Variants in METTL25 observed in about 807,000 individuals in gnomAD.
The protein encoded by METTL25 is methyltransferase like 25.
A neutral mutation model predicts 71.6 loss-of-function variants in METTL25; 64 were observed. The ratio of observed to expected loss-of-function variants is 0.89; its 90% CI spans 0.73 to 1.10. The LOEUF (loss-of-function observed/expected upper bound fraction) is 1.10, where lower values mean the gene tolerates loss of function less well. Among genes scored for constraint, METTL25 ranks in the 50% least tolerant of loss-of-function variants. The pLI, the probability that METTL25 is intolerant of heterozygous loss-of-function variation, is 0.00. For missense variants in METTL25, 807 were observed against 707.0 expected, an observed-to-expected ratio of 1.14 and a Z score of -1.60; for synonymous variants, 287 against 250.3, an observed-to-expected ratio of 1.15 and a Z score of -1.38.
intron 7 of METTL25, among the ~76,000 whole-genome samples, chr12:82,436,030 T>C (rs1889890949): frequency 6.6e-6 from 1 of 151,418 alleles, no homozygotes; most frequent in Non-Finnish European, 1.5e-5. Context: ...TTAACTACTA[T>C]ACTGCATATC....
At chr12:82,424,021 C>T (rs561811188) in intron 5 of METTL25, among the ~76,000 whole-genome samples, 2 of 152,258 alleles carry the variant, frequency 1.3e-5, no homozygotes, top group South Asian at 2.1e-4. Flanking sequence ...TTTGACCCAG[C>T]CATCCCATTA....
chr12:82,362,025 C>T (rs1174063799), intron 1 of METTL25, among the ~76,000 whole-genome samples: 3 of 152,160 alleles, frequency 2.0e-5, no homozygotes, highest in Non-Finnish European at 2.9e-5. Context: ...ATTCCCAGAG[C>T]GCAATGCACA....
intron 1 of METTL25, among the ~76,000 whole-genome samples, chr12:82,359,677 T>C (rs1881551936): frequency 1.3e-5 from 2 of 151,298 alleles, no homozygotes; most frequent in African/African-American, 4.8e-5. Flanking sequence ...ACCTAATATG[T>C]GTCTTGAATT....
chr12:82,463,342 TCTAATCCTGG>T (rs1892020390), intron 9 of METTL25, among the ~76,000 whole-genome samples: 1 of 152,074 alleles, frequency 6.6e-6, no homozygotes, highest in Admixed American at 6.5e-5. Context: ...TTTTTAACGT[TCTAATCCTGG>T]CTTATTTCAC....
At chr12:82,424,873 C>T (rs529230580) in intron 5 of METTL25, among the ~76,000 whole-genome samples, 2 of 151,934 alleles carry the variant, frequency 1.3e-5, no homozygotes, top group Non-Finnish European at 2.9e-5. Context: ...TCACCAGAAA[C>T]TGGTAATGGA....
At chr12:82,423,250 T>C (rs1185646669) in intron 5 of METTL25, among the ~76,000 whole-genome samples, 1 of 152,142 alleles carries the variant, frequency 6.6e-6, no homozygotes, top group East Asian at 1.9e-4. Context: ...CATCTACAAC[T>C]ATCTGATCTT....
chr12:82,358,734 A>T lies in METTL25; in HGVS notation c.169A>T (p.Thr57Ser). 1 of 1,614,112 alleles carries T rather than the reference A, an allele frequency of 6.2e-7. No individual in the cohort carries two copies. Among genetic ancestry groups the T allele is most frequent in the Non-Finnish European group, 8.5e-7 (1 of 1,180,038 alleles). Reference protein sequence around the residue: ...WEELVDLPPETVLAALRKSAS... With the variant: ...WEELVDLPPESVLAALRKSAS... ...GGAGCTGGTCGACTTGCCACCGGAG[A>T]CAGTGCTGGCTGCGCTGAGGAAGTC... The change falls in exon 1 of 12, where the codon ACA (threonine) becomes TCA (serine). Residue 57 changes from threonine (T) to serine (S), a missense_variant. Transcript: ENST00000248306.
rs991147414 is a variant in METTL25 at position 82,406,420 on chromosome 12, A to C, written c.1279+3290A>C. On this transcript the variant is annotated intron_variant, in intron 5 of 11. Coordinates refer to ENST00000248306, the MANE Select transcript of METTL25 (RefSeq NM_032230.3). Reference sequence around the variant, plus strand: ...TTCTATATTCTTATATGTTTTAGGCAAACAAATGTATAAACTGTTCATCAC... The same window carrying C: ...TTCTATATTCTTATATGTTTTAGGCCAACAAATGTATAAACTGTTCATCAC... 2.0e-5 allele frequency among the ~76,000 whole-genome samples: 3 copies of C among 152,176 alleles called. No individual in the cohort carries two copies. In the East Asian group the frequency reaches 5.8e-4, roughly 29 times the overall value.
Position 82,389,884 on chromosome 12 carries a change from C to A in METTL25, c.493C>A (p.Leu165Met), listed in dbSNP as rs369465475. ...KSHEVQAMSE[L>M]ISSIADYYGI... ...TCATGAAGTTCAGGCAATGTCAGAG[C>A]TGATCAGCAGTATTGCTGACTACTA... Residue 165 changes from leucine (L) to methionine (M), a missense_variant, in exon 3 of 12, where the codon CTG (leucine) becomes ATG (methionine). Leu to Met is a conservative substitution (Grantham distance 15, BLOSUM62 2). Coordinates refer to ENST00000248306, the MANE Select transcript of METTL25 (RefSeq NM_032230.3). The A allele has an allele frequency of 2.5e-6, 4 of 1,598,092 alleles. No homozygotes were observed. Among genetic ancestry groups the A allele is most frequent in the Middle Eastern group, 1.7e-4 (1 of 5,994 alleles).
At position 82,399,144 on chromosome 12, in the gene METTL25, A is replaced by C; in HGVS notation, c.881A>C (p.Glu294Ala). 1 of 1,613,804 alleles carries C rather than the reference A, an allele frequency of 6.2e-7. No individual in the cohort carries two copies. Among genetic ancestry groups the C allele is most frequent in the Non-Finnish European group, 8.5e-7 (1 of 1,179,850 alleles). ...ATTTCTAATATCAGAAACCAAATGGAAACCCTTCATTCTCAGCCACATCAA... is the reference window on the plus strand; with the variant it reads ...ATTTCTAATATCAGAAACCAAATGGCAACCCTTCATTCTCAGCCACATCAA... ...SVISNIRNQM[E>A]TLHSQPHQEE... Residue 294 changes from glutamate (E) to alanine (A), a missense_variant, in exon 4 of 12, where the codon GAA becomes GCA. Glu to Ala is a moderately radical substitution (Grantham distance 107). Transcript: ENST00000248306.
intron 3 of METTL25, among the ~76,000 whole-genome samples, chr12:82,391,620 A>G (rs933552964): frequency 1.3e-5 from 2 of 151,838 alleles, no homozygotes; most frequent in African/African-American, 2.4e-5. Flanking sequence ...TTCTTTATCC[A>G]TAAATTCATT....
At chr12:82,405,889 CAAGT>C (rs905826752) in intron 5 of METTL25, among the ~76,000 whole-genome samples, 1 of 152,106 alleles carries the variant, frequency 6.6e-6, no homozygotes, top group Non-Finnish European at 1.5e-5. Context: ...GTGTCAAAAA[CAAGT>C]AACTAGGAAT....
At chr12:82,361,219 T>C (rs1165308071) in intron 1 of METTL25, among the ~76,000 whole-genome samples, 1 of 152,184 alleles carries the variant, frequency 6.6e-6, no homozygotes, top group Non-Finnish European at 1.5e-5. Context: ...AGATCAGCTA[T>C]ACACAGAGCA....
chr12:82,421,541 G>T (rs1888493756), intron 5 of METTL25, among the ~76,000 whole-genome samples: 1 of 151,974 alleles, frequency 6.6e-6, no homozygotes, highest in Admixed American at 6.6e-5. Context: ...TGGTGGTTAG[G>T]ATATTGATAA....
intron 1 of METTL25, among the ~76,000 whole-genome samples, chr12:82,359,576 G>A (rs904071602): frequency 6.6e-6 from 1 of 152,250 alleles, no homozygotes; most frequent in Non-Finnish European, 1.5e-5. Flanking sequence ...GGCCAGTTAG[G>A]AGACTACCTC....
At chr12:82,367,207 T>G (rs1330975789) in intron 1 of METTL25, among the ~76,000 whole-genome samples, 1 of 152,226 alleles carries the variant, frequency 6.6e-6, no homozygotes, top group African/African-American at 2.4e-5. Context: ...CTACTTATAT[T>G]ATACTGTTTT....
intron 5 of METTL25, among the ~76,000 whole-genome samples, chr12:82,423,339 A>C (rs1888694117): frequency 1.3e-5 from 2 of 152,236 alleles, no homozygotes; most frequent in Admixed American, 1.3e-4. Flanking sequence ...GGCTAGCCAT[A>C]TGTAGAAAGC....
chr12:82,363,319 T>A (rs1882176079), intron 1 of METTL25, among the ~76,000 whole-genome samples: 1 of 152,284 alleles, frequency 6.6e-6, no homozygotes, highest in African/African-American at 2.4e-5. Context: ...TACATACAAC[T>A]TGGGTGGTAA....
chr12:82,368,474 A>G (rs1882824672), intron 1 of METTL25, among the ~76,000 whole-genome samples: 1 of 151,916 alleles, frequency 6.6e-6, no homozygotes, highest in Non-Finnish European at 1.5e-5. Context: ...CTTTTGGGGG[A>G]TATATCCGTT....
Sources: allele counts gnomAD v4.1 joint callset (sites outside exome capture counted in the v4.1 genomes callset), GRCh38; gene constraint gnomAD v4.1.1; transcripts MANE v1.5; gene names NCBI Gene and HGNC (gene_info 2026-07-23, HGNC 2026-07-21).